ARHGAP18: variants seen among roughly 807,000 people sequenced by gnomAD.
ARHGAP18 encodes the protein Rho GTPase activating protein 18.
ARHGAP18 carries 67 observed loss-of-function variants against 86.2 expected under a neutral mutation model. That is an observed-to-expected ratio of 0.78 (90% CI 0.64 to 0.95). ARHGAP18 has a LOEUF of 0.95. Among genes scored for constraint, ARHGAP18 ranks in the 40% least tolerant of loss-of-function variants. The probability of loss-of-function intolerance (pLI) is 0.00; values close to 1 mark genes in which losing one functional copy is unlikely to be tolerated. For missense variants in ARHGAP18, 691 were observed against 780.4 expected, an observed-to-expected ratio of 0.89 and a Z score of 1.37; for synonymous variants, 283 against 280.4, an observed-to-expected ratio of 1.01 and a Z score of -0.09.
intron 1 of ARHGAP18, among the ~76,000 whole-genome samples, chr6:129,660,278 T>C (rs1239579636): frequency 6.6e-6 from 1 of 152,182 alleles, no homozygotes; most frequent in Non-Finnish European, 1.5e-5. Context: ...TGCTGTGGCG[T>C]AAACAGATCG....
chr6:129,576,440 A>T lies in ARHGAP18; in HGVS notation c.*2073T>A, dbSNP rs1383829196. 1 of 152,214 alleles carries T rather than the reference A, an allele frequency of 6.6e-6. No homozygotes were observed. Among genetic ancestry groups the T allele is most frequent in the Non-Finnish European group, 1.5e-5 (1 of 68,040 alleles). The allele number at this position is 152,214 out of a possible 1,614,324, so 9.4% of individuals were successfully genotyped here. ...TGCACTGCTGTACTCCAATCTGGAA[A>T]ACAGAGCAAGACCCTGTCTCTAAAA... On this transcript the variant is annotated 3_prime_UTR_variant, in exon 15 of 15. Coordinates refer to ENST00000368149, the MANE Select transcript of ARHGAP18 (RefSeq NM_033515.3).
chr6:129,600,878 T>G (rs1483733843), intron 10 of ARHGAP18, 30 bp from the exon 11 acceptor site: 1 of 1,569,764 alleles, frequency 6.4e-7, no homozygotes, highest in Non-Finnish European at 8.7e-7. Context: ...TTGAGATTTG[T>G]GTCATATATG....
Position 129,599,257 on chromosome 6 carries a change from C to A in ARHGAP18, c.1672G>T (p.Asp558Tyr). ...TCTTGCTTTTCATATTTTTCTCGGT[C>A]ATAAGCCATTTTCTTCAGCAATTTC... ...MKKLLKKMAY[D>Y]REKYEKQDKS... is the part of the protein sequence containing the mutation. Residue 558 changes from aspartate to tyrosine, a missense_variant, in exon 12 of 15, where the codon GAC (aspartate) becomes TAC (tyrosine). Physicochemically the swap from Asp to Tyr is radical, Grantham distance 160. Coordinates refer to ENST00000368149, the MANE Select transcript of ARHGAP18 (RefSeq NM_033515.3). 1.9e-6 allele frequency: 3 copies of A among 1,591,472 alleles called. No homozygotes were observed. In the South Asian group the frequency reaches 3.5e-5, roughly 18 times the overall value.
chr6:129,666,812 T>C (rs1774049127), intron 1 of ARHGAP18, among the ~76,000 whole-genome samples: 1 of 152,246 alleles, frequency 6.6e-6, no homozygotes, highest in Admixed American at 6.5e-5. Context: ...TCTGTGTATA[T>C]CTCATCCCAC....
chr6:129,694,186 T>G (rs1894642), intron 1 of ARHGAP18, among the ~76,000 whole-genome samples: 86,714 of 151,998 alleles, frequency 0.57, 24,944 homozygotes, highest in East Asian at 0.67. Flanking sequence ...ACTTTTAACT[T>G]GCTCTGTATA....
At chr6:129,585,310 A>G (rs770045750) in intron 12 of ARHGAP18, among the ~76,000 whole-genome samples, 34 of 152,104 alleles carry the variant, frequency 2.2e-4, no homozygotes, top group Non-Finnish European at 3.8e-4. Flanking sequence ...TAAAAATAAA[A>G]TAAAATAAAC....
chr6:129,630,715 C>T (rs1481078887), intron 4 of ARHGAP18, among the ~76,000 whole-genome samples: 3 of 152,242 alleles, frequency 2.0e-5, no homozygotes, highest in African/African-American at 7.2e-5. Context: ...GAGTAGACTT[C>T]CCAGGCATGA....
intron 5 of ARHGAP18, among the ~76,000 whole-genome samples, chr6:129,622,899 G>T (rs1789259187): frequency 6.6e-6 from 1 of 151,406 alleles, no homozygotes. Context: ...TACTCAGGAG[G>T]CTGAGGAAGG....
chr6:129,579,279 G>A (rs1788240000), intron 14 of ARHGAP18, among the ~76,000 whole-genome samples: 1 of 152,012 alleles, frequency 6.6e-6, no homozygotes, highest in South Asian at 2.1e-4. Context: ...TACTAATAGA[G>A]TTAACAATTC....
intron 12 of ARHGAP18, among the ~76,000 whole-genome samples, chr6:129,585,116 C>T (rs980729282): frequency 6.8e-6 from 1 of 147,244 alleles, no homozygotes; most frequent in African/African-American, 2.5e-5. Flanking sequence ...CATGGCGAAA[C>T]CCTGTTTGTA....
At chr6:129,683,869 G>A (rs754415418) in intron 1 of ARHGAP18, among the ~76,000 whole-genome samples, 6 of 152,174 alleles carry the variant, frequency 3.9e-5, no homozygotes. Context: ...ACCACGGCGG[G>A]GGGGAGTTCT....
rs1430061532 is a variant in ARHGAP18, at chr6:129,638,456, T to C, written c.490A>G (p.Lys164Glu). Residue 164 changes from lysine to glutamate, a missense_variant, in exon 3 of 15, where the codon AAA becomes GAA. Lys to Glu is a moderately conservative substitution (Grantham distance 56). Coordinates refer to ENST00000368149, the MANE Select transcript of ARHGAP18 (RefSeq NM_033515.3). The part of the protein sequence containing the change: ...TVSQTLRKKN[K>E]QYQIPDVRDI... Reference sequence around the variant, plus strand: ...CTGACGTCAGGAATCTGGTACTGTTTGTTTTTTTTCCTCAAGGTCTGGGAG... The same window carrying C: ...CTGACGTCAGGAATCTGGTACTGTTCGTTTTTTTTCCTCAAGGTCTGGGAG... 6.2e-7 allele frequency: 1 copy of C among 1,614,080 alleles called. No homozygotes were observed. The highest frequency in any genetic ancestry group is 8.5e-7 in the Non-Finnish European group (1 of 1,180,038).
At position 129,671,425 on chromosome 6, in the gene ARHGAP18, G is replaced by A. The variant is rs139677708; in HGVS notation, c.114-29407C>T. 9.4e-3 allele frequency among the ~76,000 whole-genome samples: 1,432 copies of A among 152,262 alleles called. 16 individuals carry two copies. The highest frequency in any genetic ancestry group is 0.015 in the Non-Finnish European group (1,053 of 68,016). ...ATGAAGATGTGAATTAGGGCCAGGCGCAGTGGCTTATGCCTATAACCTCAG... is the reference window on the plus strand; with the variant it reads ...ATGAAGATGTGAATTAGGGCCAGGCACAGTGGCTTATGCCTATAACCTCAG... On this transcript the variant is annotated intron_variant, in intron 1 of 14. Transcript: ENST00000368149.
chr6:129,697,946 T>A (rs1181096697), intron 1 of ARHGAP18, among the ~76,000 whole-genome samples: 1 of 152,208 alleles, frequency 6.6e-6, no homozygotes, highest in South Asian at 2.1e-4. Flanking sequence ...ATAGAATACG[T>A]TGATCGAGTT....
intron 1 of ARHGAP18, among the ~76,000 whole-genome samples, chr6:129,691,446 T>C (rs1774526946): frequency 6.6e-6 from 1 of 152,160 alleles, no homozygotes; most frequent in South Asian, 2.1e-4. Flanking sequence ...AGTAAGCAGT[T>C]TTTTCCTAAT....
chr6:129,616,178 T>A, intron 7 of ARHGAP18, 34 bp downstream of exon 7: 1 of 1,494,860 alleles, frequency 6.7e-7, no homozygotes, highest in Non-Finnish European at 9.1e-7. Flanking sequence ...CTTAAGTATG[T>A]TCTCTCTATG....
intron 11 of ARHGAP18, among the ~76,000 whole-genome samples, 161 bp from the exon 12 acceptor site, chr6:129,599,517 A>G (rs1788692875): frequency 6.6e-6 from 1 of 152,210 alleles, no homozygotes; most frequent in Non-Finnish European, 1.5e-5. Flanking sequence ...CTGTGAAAAG[A>G]AAATACTTCA....
intron 1 of ARHGAP18, among the ~76,000 whole-genome samples, chr6:129,697,300 A>G (rs897360282): frequency 6.6e-6 from 1 of 152,242 alleles, no homozygotes; most frequent in African/African-American, 2.4e-5. Context: ...CTCCAGAATC[A>G]GAAAAGAAAA....
chr6:129,683,814 T>G (rs556877312), intron 1 of ARHGAP18, among the ~76,000 whole-genome samples: 1 of 152,134 alleles, frequency 6.6e-6, no homozygotes, highest in East Asian at 1.9e-4. Context: ...CCATCAAGAA[T>G]CATAAAATGA....
Sources: allele counts gnomAD v4.1 joint callset (sites outside exome capture counted in the v4.1 genomes callset), GRCh38; gene constraint gnomAD v4.1.1; transcripts MANE v1.5; gene names NCBI Gene and HGNC (gene_info 2026-07-23, HGNC 2026-07-21).